Variants in ARHGEF28 observed in about 807,000 individuals in gnomAD.
ARHGEF28 encodes 190 kDa guanine nucleotide exchange factor.
Under a neutral mutation model 206.6 loss-of-function variants are expected in ARHGEF28, and 152 were observed. The observed-to-expected ratio is 0.74, with a 90% CI of 0.64 to 0.84. ARHGEF28 has a LOEUF of 0.84. ARHGEF28 is among the 40% of genes least tolerant of loss of function. The pLI is 0.00. For missense variants in ARHGEF28, 2,028 were observed against 2,073.2 expected, an observed-to-expected ratio of 0.98 and a Z score of 0.42; for synonymous variants, 763 against 776.4, an observed-to-expected ratio of 0.98 and a Z score of 0.29.
At chr5:73,865,932 C>A (rs1580006041) in intron 17 of ARHGEF28, 33 bp from the exon 18 acceptor site, 2 of 1,463,638 alleles carry the variant, frequency 1.4e-6, no homozygotes, top group South Asian at 1.2e-5. Flanking sequence ...ATACTTTGAT[C>A]TTACTTTATG....
rs753586060 is a variant in ARHGEF28 at position 73,868,235 on chromosome 5, G to A, written c.2425+8G>A. ...AGTCTTTCATAATGGAAGGTGAGGA[G>A]AAGACACACTTCCATTTATTTGTGT... On this transcript the variant is annotated splice_region_variant and intron_variant, in intron 20 of 35. Transcript: ENST00000513042. 2.0e-5 allele frequency: 31 copies of A among 1,565,474 alleles called. No individual in the cohort carries two copies. Among genetic ancestry groups the A allele is most frequent in the Non-Finnish European group, 2.6e-5 (30 of 1,152,680 alleles).
chr5:73,883,405 C>T (rs1042860490), intron 23 of ARHGEF28, among the ~76,000 whole-genome samples: 3 of 152,092 alleles, frequency 2.0e-5, no homozygotes, highest in African/African-American at 7.2e-5. Flanking sequence ...GGAGGAAGAC[C>T]TGTTGGGAAA....
intron 11 of ARHGEF28, among the ~76,000 whole-genome samples, chr5:73,845,063 G>T (rs1356094971): frequency 6.9e-6 from 1 of 144,214 alleles, no homozygotes; most frequent in African/African-American, 2.6e-5. Flanking sequence ...TTTTGCCCAG[G>T]CTGGAGTGCA....
intron 7 of ARHGEF28, among the ~76,000 whole-genome samples, chr5:73,793,103 T>C (rs1379494642): frequency 1.3e-5 from 2 of 152,232 alleles, no homozygotes; most frequent in Non-Finnish European, 2.9e-5. Context: ...TCCTTGTTGG[T>C]TTAATCATAG....
chr5:73,644,909 G>A (rs1484049704), intron 1 of ARHGEF28, among the ~76,000 whole-genome samples: 1 of 152,160 alleles, frequency 6.6e-6, no homozygotes, highest in Admixed American at 6.5e-5. Flanking sequence ...TATTGCTATT[G>A]CTTTCCTTCT....
At chr5:73,637,323 C>A (rs1275602010) in intron 1 of ARHGEF28, among the ~76,000 whole-genome samples, 1 of 152,124 alleles carries the variant, frequency 6.6e-6, no homozygotes, top group Admixed American at 6.6e-5. Flanking sequence ...ACCTCTCCTC[C>A]TTCTCTCAAG....
intron 35 of ARHGEF28, among the ~76,000 whole-genome samples, chr5:73,929,342 C>T (rs1428999076): frequency 6.6e-6 from 1 of 152,138 alleles, no homozygotes; most frequent in Non-Finnish European, 1.5e-5. Flanking sequence ...AGTATTTATT[C>T]ATCCATAAGC....
At chr5:73,844,641 T>C (rs1291903722) in intron 11 of ARHGEF28, among the ~76,000 whole-genome samples, 2 of 28,332 alleles carry the variant, frequency 7.1e-5, no homozygotes, top group Admixed American at 2.9e-4. Flanking sequence ...AAAGCCTATG[T>C]TTTTTTTTTT....
rs182110195 is a variant in ARHGEF28, at chr5:73,663,740, A to G, written c.-11-21101A>G. 8.9e-4 allele frequency among the ~76,000 whole-genome samples: 135 copies of G among 152,286 alleles called. No homozygotes were observed. The Middle Eastern group carries it at 0.031, about 35-fold the overall frequency. On this transcript the variant is annotated intron_variant, in intron 1 of 35. Coordinates refer to ENST00000513042, the MANE Select transcript of ARHGEF28 (RefSeq NM_001177693.2). ...TTCAGGACGATTTTTAAAAATAAATATTTGTTAGTTGAAGATTTCTTTGTA... is the reference window on the plus strand; with the variant it reads ...TTCAGGACGATTTTTAAAAATAAATGTTTGTTAGTTGAAGATTTCTTTGTA...
Position 73,795,523 on chromosome 5 carries a change from A to G in ARHGEF28, c.1024+132A>G, listed in dbSNP as rs530693567. 7.9e-6 allele frequency: 6 copies of G among 756,526 alleles called. No individual in the cohort carries two copies. In the African/African-American group the frequency reaches 8.8e-5, roughly 11 times the overall value. The allele number at this position is 756,526 out of a possible 1,614,324, so 46.9% of individuals were successfully genotyped here. On this transcript the variant is annotated intron_variant, in intron 9 of 35. Coordinates refer to ENST00000513042, the MANE Select transcript of ARHGEF28 (RefSeq NM_001177693.2). Reference sequence around the variant, plus strand: ...CTTATCTATTTCCTGAAACGCATCCAGATAAATTTTATTTGTAGGATCATT... The same window carrying G: ...CTTATCTATTTCCTGAAACGCATCCGGATAAATTTTATTTGTAGGATCATT...
At chr5:73,676,069 CTTTTTT>C (rs70973270) in intron 1 of ARHGEF28, among the ~76,000 whole-genome samples, 1 of 115,150 alleles carries the variant, frequency 8.7e-6, no homozygotes. Flanking sequence ...ATTTTCTTTT[CTTTTTT>C]TTTTTTTTTT....
chr5:73,644,840 C>T (rs1214382344), intron 1 of ARHGEF28, among the ~76,000 whole-genome samples: 6 of 152,170 alleles, frequency 3.9e-5, no homozygotes, highest in Admixed American at 6.5e-5. Context: ...CTGTATTAAA[C>T]TCCACTGATA....
At chr5:73,687,727 C>T (rs569406175) in intron 2 of ARHGEF28, among the ~76,000 whole-genome samples, 2 of 151,596 alleles carry the variant, frequency 1.3e-5, no homozygotes, top group South Asian at 4.1e-4. Flanking sequence ...AATATTTTTT[C>T]TTATTTATAT....
chr5:73,922,450 T>C (rs900861856), intron 35 of ARHGEF28, among the ~76,000 whole-genome samples: 5 of 152,250 alleles, frequency 3.3e-5, no homozygotes, highest in Non-Finnish European at 5.9e-5. Context: ...AGCCTTCACA[T>C]ACTTGGCTTT....
intron 1 of ARHGEF28, among the ~76,000 whole-genome samples, chr5:73,677,696 G>A (rs554134874): frequency 2.6e-5 from 4 of 152,226 alleles, no homozygotes; most frequent in African/African-American, 7.2e-5. Flanking sequence ...GTATCTTGAT[G>A]TTCTTTTTAT....
At chr5:73,659,547 T>C (rs1412644115) in intron 1 of ARHGEF28, among the ~76,000 whole-genome samples, 1 of 151,154 alleles carries the variant, frequency 6.6e-6, no homozygotes, top group African/African-American at 2.4e-5. Flanking sequence ...AAAAAAAGTT[T>C]GTTATGTGTT....
chr5:73,758,691 G>C (rs1007025967), intron 4 of ARHGEF28, among the ~76,000 whole-genome samples: 38 of 152,236 alleles, frequency 2.5e-4, no homozygotes, highest in Admixed American at 2.4e-3. Context: ...GAGTAGCTGG[G>C]ATTACAGGTG....
chr5:73,700,777 A>G (rs147734987), intron 2 of ARHGEF28, among the ~76,000 whole-genome samples: 8 of 152,348 alleles, frequency 5.3e-5, no homozygotes, highest in African/African-American at 1.4e-4. Context: ...TTGATTAAAA[A>G]TTAAATTCAT....
In ARHGEF28 at chr5:73,885,865, A is replaced by C; in HGVS notation, c.3071A>C (p.His1024Pro). The change falls in exon 25 of 36, where the codon CAT (histidine) becomes CCT (proline). Residue 1024 changes from histidine to proline, a missense_variant. By Grantham distance (77) the His-to-Pro change is moderately conservative. Around this residue, in one of 3 missense-constraint regions of ARHGEF28, gnomAD observed 223 missense variants for 289.9 expected, o/e 0.77. Transcript: ENST00000513042. ...LQYTKERTEE[H>P]KDLRKALCLI... ...TCCCACGCAGAAAGAACTGAGGAACATAAAGACTTACGCAAAGCGCTTTGC... is the reference window on the plus strand; with the variant it reads ...TCCCACGCAGAAAGAACTGAGGAACCTAAAGACTTACGCAAAGCGCTTTGC... 6.2e-7 allele frequency: 1 copy of C among 1,611,194 alleles called. No homozygotes were observed. Among genetic ancestry groups the C allele is most frequent in the South Asian group, 1.1e-5 (1 of 90,364 alleles).
Sources: gnomAD v4.1 joint callset for allele counts (sites outside exome capture counted in the v4.1 genomes callset) on GRCh38, gnomAD v4.1.1 for gene constraint, gnomAD v4.1.1 regional missense constraint, MANE v1.5 for transcripts, NCBI Gene and HGNC (gene_info 2026-07-23, HGNC 2026-07-21) for gene names.